The following PCDH15 variants were observed in gnomAD, a reference collection of about 807,000 sequenced individuals.
The protein encoded by PCDH15 is protocadherin related 15.
In PCDH15, 129 loss-of-function variants were observed where a neutral mutation model predicts 178.5. The observed-to-expected ratio is 0.72, with a 90% CI of 0.63 to 0.84. The LOEUF is 0.84. Ranked by LOEUF, PCDH15 falls within the 40% of genes least tolerant of loss-of-function variation. The pLI is 0.00. For synonymous variants in PCDH15, 800 were observed against 732.0 expected (o/e 1.09, Z -1.50); for missense variants, 2,230 against 2,099.9 (o/e 1.06, Z -1.21).
In PCDH15 at chr10:54,288,595, T is replaced by C. The variant is rs113797321; in HGVS notation, c.876+28676A>G. Among the ~76,000 whole-genome samples the C allele has an allele frequency of 5.1e-3, 780 of 152,300 alleles. 5 individuals are homozygous for C. Among genetic ancestry groups the C allele is most frequent in the African/African-American group, 0.017 (727 of 41,578 alleles). On this transcript the variant is annotated intron_variant, in intron 8 of 37. Coordinates refer to ENST00000644397, the MANE Select transcript of PCDH15 (RefSeq NM_001384140.1). ...CCAGGAAGCACAAGGGGTCAAGGGA[T>C]TTCCCTTTCCTAGCCAAGGGAAGAT...
At chr10:55,118,630 C>T (rs1418364270) in intron 2 of PCDH15, among the ~76,000 whole-genome samples, 5 of 152,246 alleles carry the variant, frequency 3.3e-5, no homozygotes, top group Non-Finnish European at 5.9e-5. Flanking sequence ...TACAATAGTC[C>T]TACTCAGTAT....
At chr10:54,195,920 A>G (rs781614843) in intron 10 of PCDH15, 31 bp from the exon 11 acceptor site, 2 of 1,585,488 alleles carry the variant, frequency 1.3e-6, no homozygotes, top group East Asian at 4.5e-5. Flanking sequence ...AAATATTTAG[A>G]AAGTATATGT....
At chr10:54,041,576 G>A (rs1459478817) in intron 18 of PCDH15, among the ~76,000 whole-genome samples, 1 of 152,000 alleles carries the variant, frequency 6.6e-6, no homozygotes, top group Non-Finnish European at 1.5e-5. Flanking sequence ...GCATACAGCA[G>A]GACTTTTAAC....
intron 2 of PCDH15, among the ~76,000 whole-genome samples, chr10:54,567,431 T>C (rs1018312870): frequency 1.1e-4 from 16 of 152,186 alleles, no homozygotes; most frequent in African/African-American, 3.6e-4. Context: ...AGTATAATTG[T>C]TTTTAATAGA....
chr10:54,321,890 C>A (rs919245805), intron 7 of PCDH15, among the ~76,000 whole-genome samples: 1 of 151,898 alleles, frequency 6.6e-6, no homozygotes, highest in African/African-American at 2.4e-5. Flanking sequence ...AGTTTCCACA[C>A]GTGGGAATTC....
intron 28 of PCDH15, among the ~76,000 whole-genome samples, chr10:53,856,829 G>C (rs1241405359): frequency 6.6e-6 from 1 of 152,146 alleles, no homozygotes; most frequent in South Asian, 2.1e-4. Flanking sequence ...TGATTAAAAT[G>C]ACCCACTCAG....
At chr10:54,627,864 C>A (rs1217038402) in intron 2 of PCDH15, among the ~76,000 whole-genome samples, 1 of 152,086 alleles carries the variant, frequency 6.6e-6, no homozygotes, top group Non-Finnish European at 1.5e-5. Flanking sequence ...AAGGTTAAGT[C>A]CCAGTCAATA....
chr10:55,305,890 A>G (rs532398365), intron 1 of PCDH15, among the ~76,000 whole-genome samples: 1 of 152,338 alleles, frequency 6.6e-6, no homozygotes, highest in South Asian at 2.1e-4. Flanking sequence ...GTAGACATGA[A>G]CATGCCCAAT....
chr10:54,383,218 A>G (rs1949449936), intron 3 of PCDH15, among the ~76,000 whole-genome samples: 1 of 152,122 alleles, frequency 6.6e-6, no homozygotes, highest in Non-Finnish European at 1.5e-5. Context: ...AGAAGCACAG[A>G]ACATACTTAA....
intron 9 of PCDH15, among the ~76,000 whole-genome samples, chr10:54,215,921 T>C (rs951512144): frequency 5.9e-5 from 9 of 151,478 alleles, no homozygotes; most frequent in African/African-American, 2.2e-4. Flanking sequence ...CGGGCGCCTG[T>C]AGTCCCAGCT....
At chr10:54,935,739 C>T (rs954976433) in intron 2 of PCDH15, among the ~76,000 whole-genome samples, 1 of 151,928 alleles carries the variant, frequency 6.6e-6, no homozygotes, top group Non-Finnish European at 1.5e-5. Context: ...CACATAATTC[C>T]TTTCTATTAT....
chr10:54,897,331 T>C (rs1954562977), intron 3 of PCDH15: 1 of 152,208 alleles, frequency 6.6e-6, no homozygotes, highest in South Asian at 2.1e-4. Context: ...TAGTTGTAAC[T>C]TGAATTCAAA....
intron 2 of PCDH15, among the ~76,000 whole-genome samples, chr10:54,621,855 T>G (rs2093358518): frequency 6.6e-6 from 1 of 151,978 alleles, no homozygotes; most frequent in Admixed American, 6.6e-5. Context: ...GAAACGGTAT[T>G]TGTCAGCGAT....
At chr10:54,709,797 A>G (rs2095410111) in intron 1 of PCDH15, among the ~76,000 whole-genome samples, 2 of 149,150 alleles carry the variant, frequency 1.3e-5, no homozygotes, top group African/African-American at 2.4e-5. Flanking sequence ...CTTACATTGA[A>G]TGAGTCAATA....
At chr10:55,121,852 CA>C (rs1837780970) in intron 2 of PCDH15, among the ~76,000 whole-genome samples, 1 of 152,152 alleles carries the variant, frequency 6.6e-6, no homozygotes. Flanking sequence ...CAGCCTTCAG[CA>C]GACAGTAAAT....
chr10:55,532,889 G>C (rs1841485226), intron 2 of PCDH15, among the ~76,000 whole-genome samples: 1 of 151,990 alleles, frequency 6.6e-6, no homozygotes, highest in African/African-American at 2.4e-5. Flanking sequence ...TAATCTTACT[G>C]TCATGATTCA....
upstream of PCDH15, among the ~76,000 whole-genome samples, chr10:55,321,230 A>G (rs1262903821): frequency 6.6e-6 from 1 of 152,174 alleles, no homozygotes; most frequent in African/African-American, 2.4e-5. Flanking sequence ...CTACATAATG[A>G]ACCAAGATGA....
intron 32 of PCDH15, chr10:53,825,112 A>T: frequency 6.5e-7 from 1 of 1,532,590 alleles, no homozygotes; most frequent in Non-Finnish European, 8.8e-7. Context: ...ACGCTCTTCT[A>T]TTAGAGTGAT....
intron 6 of PCDH15, among the ~76,000 whole-genome samples, chr10:54,345,419 C>G (rs1411291615): frequency 2.0e-5 from 3 of 151,880 alleles, no homozygotes; most frequent in African/African-American, 7.3e-5. Flanking sequence ...GAGATGCATT[C>G]AATTTGAAAG....
Sources: allele counts gnomAD v4.1 joint callset (sites outside exome capture counted in the v4.1 genomes callset), GRCh38; gene constraint gnomAD v4.1.1; transcripts MANE v1.5; gene names NCBI Gene and HGNC (gene_info 2026-07-23, HGNC 2026-07-21).